Variants in MUC5B observed in about 807,000 individuals in gnomAD.
MUC5B encodes the protein mucin-5B.
MUC5B carries 116 observed loss-of-function variants against 376.9 expected under a neutral mutation model. That is an observed-to-expected ratio of 0.31 (90% confidence interval 0.26 to 0.36). The LOEUF (loss-of-function observed/expected upper bound fraction) is 0.36. Among genes scored for constraint, MUC5B ranks in the 10% least tolerant of loss-of-function variants. The probability of loss-of-function intolerance (pLI) is 1.00; values close to 1 mark genes in which losing one functional copy is unlikely to be tolerated. For synonymous variants in MUC5B, 3,517 were observed against 3,390.9 expected, an observed-to-expected ratio of 1.04 and a Z score of -1.29; for missense variants, 7,165 against 7,769.9, an observed-to-expected ratio of 0.92 and a Z score of 2.93.
intron 7 of MUC5B, 121 bp downstream of exon 7, chr11:1,227,902 G>A (rs1211258581): frequency 2.6e-5 from 16 of 612,720 alleles, no homozygotes; most frequent in Non-Finnish European, 3.6e-5. Flanking sequence ...GAGGGAGGCC[G>A]GGCAGCCACC....
chr11:1,258,490 G>T lies in MUC5B; in HGVS notation c.16593+123G>T. 1 of 1,193,198 alleles carries T rather than the reference G, an allele frequency of 8.4e-7. No individual in the cohort carries two copies. The allele number at this position is 1,193,198 out of a possible 1,614,324, so 73.9% of individuals were successfully genotyped here. On this transcript the variant is annotated intron_variant, in intron 43 of 48. Coordinates refer to ENST00000529681, the MANE Select transcript of MUC5B (RefSeq NM_002458.3). This position sits in a 1 kb window ranked among gnomAD's most constrained non-coding sequence, Gnocchi z 5.5. ...CTGCCCTGAGGGCCGATCCGCACAG[G>T]GGCCCTGGACACGTCAGAGCTGGGA...
chr11:1,232,907 A>G, intron 17 of MUC5B, 106 bp from the exon 18 acceptor site: 1 of 1,461,916 alleles, frequency 6.8e-7, no homozygotes, highest in Non-Finnish European at 9.0e-7. Flanking sequence ...CAAGAACCTC[A>G]TGCCCTTGCG....
chr11:1,229,046 TG>T, intron 8 of MUC5B, 123 bp from the exon 9 acceptor site: 1 of 1,235,198 alleles, frequency 8.1e-7, no homozygotes. Flanking sequence ...AGGGCCACCC[TG>T]GGGCCTAGCT....
In MUC5B at chr11:1,248,134, CAT is replaced by C. The variant is rs1487123342; in HGVS notation, c.11255_11256del (p.His3752ArgfsTer185). 6.3e-7 allele frequency: 1 copy of C among 1,595,840 alleles called. No homozygotes were observed. The highest frequency in any genetic ancestry group is 1.4e-5 in the African/African-American group (1 of 72,706). ...CACCCAGGCAACTGCTGGCACCCCA[CAT>C]GTGAGCACCACGGCCACGACACCCA... ...SSTQATAGTP[H>X]VSTTATTPTV... On this transcript the variant is annotated frameshift_variant, in exon 31 of 49. Transcript: ENST00000529681. LOFTEE classifies it high-confidence loss of function.
In MUC5B at chr11:1,246,492, A is replaced by G. The variant is rs752359146; in HGVS notation, c.9612A>G (p.Thr3204=). 1 of 1,612,842 alleles carries G rather than the reference A, an allele frequency of 6.2e-7. No homozygotes were observed. Among genetic ancestry groups the G allele is most frequent in the Admixed American group, 1.7e-5 (1 of 59,938 alleles). Residue 3204 remains threonine, a synonymous_variant, in exon 31 of 49, where the codon ACA becomes ACG. Coordinates refer to ENST00000529681, the MANE Select transcript of MUC5B (RefSeq NM_002458.3). ...KVLTSTATTP[T]VISSRATPSS... is the part of the protein sequence containing the mutation. The stretch of plus-strand genomic sequence containing the variant: ...TGACCAGCACGGCCACCACACCCAC[A>G]GTCATCAGCTCCAGAGCCACTCCCT...
Position 1,253,951 on chromosome 11 carries a change from T to A in MUC5B, c.15218-141T>A. The A allele has an allele frequency of 8.3e-7, 1 of 1,202,896 alleles. No individual in the cohort carries two copies. Among genetic ancestry groups the A allele is most frequent in the Non-Finnish European group, 1.1e-6 (1 of 874,662 alleles). 74.5% of individuals were successfully genotyped at this position (1,202,896 alleles called of 1,614,324 possible). A position where few individuals can be genotyped will look rare whatever the true frequency, so the allele number is the denominator to read the frequency against. Reference sequence around the variant, plus strand: ...CCATTCTACACACTGGACCCATTTTTATAGACGAGGCAGCTGAGGCCCCAG... The same window carrying A: ...CCATTCTACACACTGGACCCATTTTAATAGACGAGGCAGCTGAGGCCCCAG... On this transcript the variant is annotated intron_variant, in intron 33 of 48. Coordinates refer to ENST00000529681, the MANE Select transcript of MUC5B (RefSeq NM_002458.3). This position sits in a 1 kb window ranked among gnomAD's most constrained non-coding sequence, Gnocchi z 4.3.
rs374596015 is a variant in MUC5B, at chr11:1,245,405, C to T, written c.8525C>T (p.Thr2842Met). Residue 2842 changes from threonine to methionine, a missense_variant, in exon 31 of 49, where the codon ACG (threonine) becomes ATG (methionine). Thr to Met is a moderately conservative substitution (Grantham distance 81). This residue lies in a region of MUC5B where 50 missense variants were observed against 66.4 expected (regional missense o/e 0.75). Coordinates refer to ENST00000529681, the MANE Select transcript of MUC5B (RefSeq NM_002458.3). ...AGGGCCACCTCCAGGACCACGGCCA[C>T]GGCCACACCCAGCAAGACCCGCACC... Reference protein sequence around the residue: ...HTRATSRTTATATPSKTRTST... With the variant: ...HTRATSRTTAMATPSKTRTST... 8.6e-5 allele frequency: 134 copies of T among 1,562,318 alleles called. 11 individuals carry two copies. The highest frequency in any genetic ancestry group is 2.3e-4 in the Middle Eastern group (1 of 4,362).
chr11:1,224,752 G>T (rs900341938), intron 1 of MUC5B, among the ~76,000 whole-genome samples: 1 of 152,130 alleles, frequency 6.6e-6, no homozygotes, highest in Non-Finnish European at 1.5e-5. Context: ...CGGCCCCTGT[G>T]GTGGTTCCCA....
chr11:1,257,422 C>A lies in MUC5B; in HGVS notation c.16270-108C>A. On this transcript the variant is annotated intron_variant, in intron 40 of 48. Transcript: ENST00000529681. This position sits in a 1 kb window ranked among gnomAD's most constrained non-coding sequence, Gnocchi z 8.9. ...CTGGTGTGCGCTTCCTGCCCCATCACTCTGGGCCACTCGGGTACCAGCCCG... is the reference window on the plus strand; with the variant it reads ...CTGGTGTGCGCTTCCTGCCCCATCAATCTGGGCCACTCGGGTACCAGCCCG... The A allele has an allele frequency of 7.3e-7, 1 of 1,363,334 alleles. No individual in the cohort carries two copies. 84.5% of individuals were successfully genotyped at this position (1,363,334 alleles called of 1,614,324 possible). A position where few individuals can be genotyped will look rare whatever the true frequency, so the allele number is the denominator to read the frequency against.
rs1362381480 is a variant in MUC5B at position 1,248,833 on chromosome 11, G to T, written c.11953G>T (p.Ala3985Ser). 6.5e-7 allele frequency: 1 copy of T among 1,546,430 alleles called. No homozygotes were observed. Among genetic ancestry groups the T allele is most frequent in the Admixed American group, 2.0e-5 (1 of 50,624 alleles). Residue 3985 changes from alanine (A) to serine (S), a missense_variant, in exon 31 of 49, where the codon GCC becomes TCC. Physicochemically the swap from Ala to Ser is moderately conservative, Grantham distance 99. Transcript: ENST00000529681. Reference protein sequence around the residue: ...VLTTTATTPAATSSTVTPSSA... With the variant: ...VLTTTATTPASTSSTVTPSSA... ...GACCACCACCGCCACCACACCTGCA[G>T]CCACCAGCAGCACAGTGACTCCCTC...
In MUC5B at chr11:1,253,205, C is replaced by G. The variant is rs1862751052; in HGVS notation, c.15217+225C>G. Among the ~76,000 whole-genome samples the G allele has an allele frequency of 6.6e-6, 1 of 152,016 alleles. No individual in the cohort carries two copies. On this transcript the variant is annotated intron_variant, in intron 33 of 48. Coordinates refer to ENST00000529681, the MANE Select transcript of MUC5B (RefSeq NM_002458.3). The surrounding 1 kb of genome is among the most constrained non-coding windows in gnomAD (Gnocchi z 4.3). The stretch of plus-strand genomic sequence containing the variant: ...CATCCCTTCAGGAAACCATCATGCA[C>G]CATGCTGTCTTGGGCCTCAGTGGTG...
chr11:1,249,555 C>T lies in MUC5B; in HGVS notation c.12675C>T (p.Tyr4225=), dbSNP rs759505202. 3.7e-5 allele frequency: 60 copies of T among 1,612,806 alleles called. No homozygotes were observed. The highest frequency in any genetic ancestry group is 4.5e-5 in the East Asian group (2 of 44,876). The part of the protein sequence containing the change: ...NYEIRVFCCN[Y]GHCPSTPATS... The stretch of plus-strand genomic sequence containing the variant: ...AAATCCGTGTGTTCTGCTGCAACTA[C>T]GGCCACTGCCCCAGCACCCCGGCCA... Residue 4225 remains tyrosine (Y), a synonymous_variant, in exon 31 of 49, where the codon TAC becomes TAT. Coordinates refer to ENST00000529681, the MANE Select transcript of MUC5B (RefSeq NM_002458.3).
chr11:1,246,698 C>T lies in MUC5B; in HGVS notation c.9818C>T (p.Thr3273Ile). Residue 3273 changes from threonine to isoleucine, a missense_variant, in exon 31 of 49, where the codon ACT (threonine) becomes ATT (isoleucine). Thr to Ile is a moderately conservative substitution (Grantham distance 89, BLOSUM62 -1). Around this residue, in one of 31 missense-constraint regions of MUC5B, gnomAD observed 939 missense variants for 770.6 expected, o/e 1.22. Coordinates refer to ENST00000529681, the MANE Select transcript of MUC5B (RefSeq NM_002458.3). ...STATPSSTPE[T>I]VHTSTVLTTT... ...GCCACACCCTCCTCTACTCCAGAGA[C>T]TGTCCACACCTCCACAGTGCTTACC... The T allele has an allele frequency of 6.2e-7, 1 of 1,610,294 alleles. No individual in the cohort carries two copies. Among genetic ancestry groups the T allele is most frequent in the Non-Finnish European group, 8.5e-7 (1 of 1,177,482 alleles).
Position 1,241,171 on chromosome 11 carries a change from C to G in MUC5B, c.4291C>G (p.Pro1431Ala), listed in dbSNP as rs61867558. 1.3e-6 allele frequency: 2 copies of G among 1,599,790 alleles called. No homozygotes were observed. Among genetic ancestry groups the G allele is most frequent in the African/African-American group, 2.7e-5 (2 of 74,586 alleles). ...ELRVLCCEYV[P>A]CGPSPAPGTS... is the part of the protein sequence containing the mutation. ...GCGGGTTCTCTGCTGCGAATACGTG[C>G]CCTGTGGCCCCTCCCCGGCCCCAGG... Residue 1431 changes from proline (P) to alanine (A), a missense_variant, in exon 31 of 49, where the codon CCC becomes GCC. By Grantham distance (27) the Pro-to-Ala change is conservative. This residue lies in a region of MUC5B where 517 missense variants were observed against 545.3 expected (regional missense o/e 0.95). Coordinates refer to ENST00000529681, the MANE Select transcript of MUC5B (RefSeq NM_002458.3).
At chr11:1,260,206 GC>G (rs1250201522) in intron 46 of MUC5B, 121 bp downstream of exon 46, 8 of 1,411,360 alleles carry the variant, frequency 5.7e-6, no homozygotes, top group Non-Finnish European at 7.7e-6. Flanking sequence ...CCCCACCCCT[GC>G]CTGGGAAGCC....
At chr11:1,259,247 G>C (rs534108561) in intron 44 of MUC5B, among the ~76,000 whole-genome samples, 186 bp downstream of exon 44, 2 of 144,642 alleles carry the variant, frequency 1.4e-5, no homozygotes, top group East Asian at 4.1e-4. Context: ...CTGCCCCCAG[G>C]TGAGACCCGA....
At chr11:1,230,445 C>T in intron 11 of MUC5B, 45 bp from the exon 12 acceptor site, 1 of 1,506,878 alleles carries the variant, frequency 6.6e-7, no homozygotes, top group Non-Finnish European at 9.0e-7. Context: ...GGGCACCCCA[C>T]ATCATCGAGC....
At chr11:1,256,454 C>T (rs915811057) in intron 38 of MUC5B, among the ~76,000 whole-genome samples, 3 of 150,086 alleles carry the variant, frequency 2.0e-5, no homozygotes, top group African/African-American at 4.9e-5. Flanking sequence ...CACCTGGCCC[C>T]GCCACCGAGC....
Position 1,225,703 on chromosome 11 carries a change from G to A in MUC5B, c.93G>A (p.Pro31=), listed in dbSNP as rs770177378. The change falls in exon 2 of 49, where the codon CCG becomes CCA. Residue 31 remains proline (P), a synonymous_variant. Coordinates refer to ENST00000529681, the MANE Select transcript of MUC5B (RefSeq NM_002458.3). The part of the protein sequence containing the change: ...PQAETQGPVE[P]SWENAGHTMD... ...CAGAGACCCAGGGCCCTGTGGAGCC[G>A]AGCTGGGAGAATGCAGGGCACACCA... is the stretch of plus-strand genomic sequence containing the variant. The A allele has an allele frequency of 1.1e-5, 17 of 1,605,734 alleles. No homozygotes were observed. The highest frequency in any genetic ancestry group is 3.4e-5 in the South Asian group (3 of 89,384).
Sources: allele counts gnomAD v4.1 joint callset (sites outside exome capture counted in the v4.1 genomes callset), GRCh38; gene constraint gnomAD v4.1.1; regional missense constraint gnomAD v4.1.1; non-coding constraint Gnocchi (gnomAD v3.1); transcripts MANE v1.5; gene names NCBI Gene and HGNC (gene_info 2026-07-23, HGNC 2026-07-21).